The following SLC2A9 variants were observed in gnomAD, a reference collection of about 807,000 sequenced individuals.
SLC2A9 encodes the protein solute carrier family 2, facilitated glucose transporter member 9.
In SLC2A9, 39 loss-of-function variants were observed where a neutral mutation model predicts 50.6. That is an observed-to-expected ratio of 0.77 (90% CI 0.60 to 1.01). SLC2A9 has a LOEUF of 1.01. SLC2A9 is among the 50% of genes least tolerant of loss of function. The pLI, the probability that SLC2A9 is intolerant of heterozygous loss-of-function variation, is 0.00. For missense variants in SLC2A9, 686 were observed against 677.6 expected (o/e 1.01, Z -0.14); for synonymous variants, 324 against 276.9 (o/e 1.17, Z -1.69).
At chr4:9,856,976 G>C (rs1378167688) in intron 10 of SLC2A9, among the ~76,000 whole-genome samples, 1 of 152,136 alleles carries the variant, frequency 6.6e-6, no homozygotes, top group Admixed American at 6.5e-5. Context: ...GGGATGGGAG[G>C]AGGGTGAGGA....
At chr4:9,905,160 G>C (rs1254509514) in intron 8 of SLC2A9, among the ~76,000 whole-genome samples, 4 of 152,236 alleles carry the variant, frequency 2.6e-5, no homozygotes, top group African/African-American at 9.6e-5. Flanking sequence ...TCTGTGGAAT[G>C]GATGAATGCA....
At chr4:9,774,169 T>C (rs1256486807) in intron 1 of SLC2A9, among the ~76,000 whole-genome samples, 11 of 151,998 alleles carry the variant, frequency 7.2e-5, no homozygotes, top group Non-Finnish European at 1.2e-4. Context: ...AATTTTTGTA[T>C]TTTTAGTAGA....
downstream of SLC2A9, among the ~76,000 whole-genome samples, chr4:9,775,477 C>T (rs1328104938): frequency 6.6e-6 from 1 of 152,116 alleles, no homozygotes; most frequent in East Asian, 1.9e-4. Flanking sequence ...TTTATCTCCA[C>T]CCAGATTTCA....
At chr4:9,887,722 C>T (rs1357340126) in intron 9 of SLC2A9, 80 bp from the exon 10 acceptor site, 1 of 1,185,924 alleles carries the variant, frequency 8.4e-7, no homozygotes. Context: ...AGCTCCTCCT[C>T]CATCCATCTG....
intron 2 of SLC2A9, among the ~76,000 whole-genome samples, chr4:10,005,331 T>A (rs1204732207): frequency 6.6e-6 from 1 of 152,132 alleles, no homozygotes; most frequent in Non-Finnish European, 1.5e-5. Context: ...ACAGGAGGTA[T>A]AAAAGACGCA....
intron 3 of SLC2A9, among the ~76,000 whole-genome samples, chr4:9,988,035 C>A (rs551310848): frequency 6.6e-6 from 1 of 152,362 alleles, no homozygotes; most frequent in African/African-American, 2.4e-5. Context: ...AGAGGAATGA[C>A]ACCGGCTAAT....
chr4:10,012,401 C>T (rs185988642), intron 2 of SLC2A9, among the ~76,000 whole-genome samples: 43 of 152,300 alleles, frequency 2.8e-4, no homozygotes, highest in Middle Eastern at 3.4e-3. Flanking sequence ...TATCCATTTG[C>T]TCATTTAGCA....
chr4:9,984,421 T>TGA (rs1257302228), intron 4 of SLC2A9, among the ~76,000 whole-genome samples: 1 of 152,032 alleles, frequency 6.6e-6, no homozygotes, highest in Non-Finnish European at 1.5e-5. Context: ...TGTGTGTGTG[T>TGA]GAGAGAGACA....
intron 6 of SLC2A9, 137 bp downstream of exon 6, chr4:9,941,776 T>C: frequency 2.4e-6 from 3 of 1,258,752 alleles, no homozygotes; most frequent in South Asian, 2.6e-5. Flanking sequence ...AGGTACCCTA[T>C]GATACCCAGC....
intron 6 of SLC2A9, among the ~76,000 whole-genome samples, chr4:9,940,133 C>T (rs779473245): frequency 1.3e-5 from 2 of 152,206 alleles, no homozygotes; most frequent in Non-Finnish European, 2.9e-5. Context: ...GGGTTACCCT[C>T]CCAGGCTAGT....
upstream of SLC2A9, among the ~76,000 whole-genome samples, chr4:10,022,140 A>C (rs1276494890): frequency 6.6e-6 from 1 of 150,818 alleles, no homozygotes; most frequent in Non-Finnish European, 1.5e-5. Context: ...TGTCTGGCCA[A>C]CTCCTCCACT....
At chr4:9,865,540 G>C (rs935332939) in intron 10 of SLC2A9, among the ~76,000 whole-genome samples, 2 of 152,228 alleles carry the variant, frequency 1.3e-5, no homozygotes, top group Admixed American at 1.3e-4. Context: ...AGGCAAAGAA[G>C]GAAATTCAAA....
chr4:9,800,197 T>C (rs1721204399), intron 3 of SLC2A9, among the ~76,000 whole-genome samples: 2 of 152,178 alleles, frequency 1.3e-5, no homozygotes. Context: ...AAGCTTGAAC[T>C]CAGTGCAGAA....
intron 3 of SLC2A9, among the ~76,000 whole-genome samples, chr4:9,805,577 TG>T (rs1355820313): frequency 2.0e-5 from 3 of 152,060 alleles, no homozygotes; most frequent in Admixed American, 1.3e-4. Context: ...GGCAGGTGCT[TG>T]TAGTCTTACC....
intron 10 of SLC2A9, among the ~76,000 whole-genome samples, chr4:9,882,625 C>T (rs866782623): frequency 4.0e-5 from 6 of 149,260 alleles, no homozygotes; most frequent in Middle Eastern, 3.5e-3. Flanking sequence ...AGGAGAATGG[C>T]GTGAACCCGG....
Position 9,826,567 on chromosome 4 carries a change from C to G in SLC2A9, c.1453G>C (p.Ala485Pro). ...ATAGCACCTGTGATACAAATTGTAG[C>G]AAAGACTAGGAAACAGTAGGTGTCC... is the stretch of plus-strand genomic sequence containing the variant. Reference protein sequence around the residue: ...SLDTYCFLVFATICITGAIYL... With the variant: ...SLDTYCFLVFPTICITGAIYL... The change falls in exon 12 of 12, where the codon GCT (alanine) becomes CCT (proline). Residue 485 changes from alanine to proline, a missense_variant. Transcript: ENST00000264784. 6.2e-7 allele frequency: 1 copy of G among 1,614,050 alleles called. No homozygotes were observed. Among genetic ancestry groups the G allele is most frequent in the Non-Finnish European group, 8.5e-7 (1 of 1,179,950 alleles).
At chr4:9,919,748 C>A (rs1440418511) in intron 7 of SLC2A9, among the ~76,000 whole-genome samples, 2 of 152,204 alleles carry the variant, frequency 1.3e-5, no homozygotes, top group African/African-American at 4.8e-5. Flanking sequence ...GAGATCACCA[C>A]CCCTAGAGGC....
chr4:9,848,466 G>A (rs952596071), intron 10 of SLC2A9, among the ~76,000 whole-genome samples: 6 of 151,736 alleles, frequency 4.0e-5, no homozygotes, highest in Admixed American at 2.6e-4. Flanking sequence ...CCTTATTCTC[G>A]ATCACAGCCT....
intron 11 of SLC2A9, among the ~76,000 whole-genome samples, chr4:9,827,063 A>G (rs2109081734): frequency 6.6e-6 from 1 of 152,332 alleles, no homozygotes; most frequent in East Asian, 1.9e-4. Context: ...TTTTTCTAAT[A>G]TGCAAATGAT....
Sources: gnomAD v4.1 joint callset for allele counts (sites outside exome capture counted in the v4.1 genomes callset) on GRCh38, gnomAD v4.1.1 for gene constraint, MANE v1.5 for transcripts, NCBI Gene and HGNC (gene_info 2026-07-23, HGNC 2026-07-21) for gene names.